The following TNRC18 variants were observed in gnomAD, a reference collection of about 807,000 sequenced individuals.
The protein encoded by TNRC18 is trinucleotide repeat containing 18.
TNRC18 carries 69 observed loss-of-function variants against 226.7 expected under a neutral mutation model. The ratio of observed to expected loss-of-function variants is 0.30; its 90% confidence interval spans 0.25 to 0.37. The LOEUF is 0.37. Ranked by LOEUF, TNRC18 falls within the 10% of genes least tolerant of loss-of-function variation. The pLI, the probability that TNRC18 is intolerant of heterozygous loss-of-function variation, is 1.00. For missense variants in TNRC18, 4,754 were observed against 4,256.6 expected (o/e 1.12, Z -3.25); for synonymous variants, 2,449 against 1,927.6 (o/e 1.27, Z -7.09).
intron 26 of TNRC18, 29 bp downstream of exon 26, chr7:5,314,955 G>A (rs779472698): frequency 1.6e-5 from 25 of 1,589,226 alleles, no homozygotes; most frequent in Admixed American, 8.7e-5. Flanking sequence ...TCCGCCCACC[G>A]CCCTGCCCTG....
At chr7:5,332,386 T>C (rs1268133182) in intron 19 of TNRC18, among the ~76,000 whole-genome samples, 1 of 152,286 alleles carries the variant, frequency 6.6e-6, no homozygotes, top group African/African-American at 2.4e-5. Flanking sequence ...TGAGCCATGA[T>C]CAGGCCACTG....
intron 3 of TNRC18, among the ~76,000 whole-genome samples, chr7:5,393,333 G>C (rs750331401): frequency 2.0e-5 from 3 of 152,254 alleles, no homozygotes; most frequent in Non-Finnish European, 4.4e-5. Context: ...CTTCCCCAGA[G>C]TGTCCAGGAA....
chr7:5,347,452 T>C (rs1454692538), intron 17 of TNRC18, among the ~76,000 whole-genome samples: 1 of 149,790 alleles, frequency 6.7e-6, no homozygotes, highest in African/African-American at 2.5e-5. Flanking sequence ...CGCCTCAGCC[T>C]CCCAAAGTGC....
Position 5,313,174 on chromosome 7 carries a change from T to C in TNRC18, c.7717A>G (p.Ser2573Gly). The C allele has an allele frequency of 1.9e-6, 3 of 1,542,772 alleles. No individual in the cohort carries two copies. Among genetic ancestry groups the C allele is most frequent in the Non-Finnish European group, 1.7e-6 (2 of 1,144,048 alleles). ...SSSGSSSSSSSSSSSGSETEG... is the reference protein window; with the variant it reads ...SSSGSSSSSSGSSSSGSETEG... The stretch of plus-strand genomic sequence containing the variant: ...GTCTCCGAGCCGCTGCTGCTGCTGC[T>C]GCTGCTGCTGCTACTGCTGCCACTA... The change falls in exon 27 of 30, where the codon AGC becomes GGC. Residue 2573 changes from serine to glycine, a missense_variant. Transcript: ENST00000430969.
chr7:5,309,386 T>TC lies in TNRC18; in HGVS notation c.8389-19dup, dbSNP rs906203098. 2 of 1,592,614 alleles carry TC rather than the reference T, an allele frequency of 1.3e-6. No individual in the cohort carries two copies. Among genetic ancestry groups the TC allele is most frequent in the Non-Finnish European group, 1.7e-6 (2 of 1,169,552 alleles). On this transcript the variant is annotated intron_variant, in intron 27 of 29. Transcript: ENST00000430969. This position sits in a 1 kb window ranked among gnomAD's most constrained non-coding sequence, Gnocchi z 5.7. ...CCACGCCGCTGCAAGGACACGTGTG[T>TC]CACGGCACAGGCCCTGGCCCAGCCC...
chr7:5,333,135 G>A (rs1305718148), intron 18 of TNRC18, 86 bp from the exon 19 acceptor site: 3 of 1,443,948 alleles, frequency 2.1e-6, no homozygotes, highest in East Asian at 2.5e-5. Context: ...ATTCCTCCCC[G>A]GCGGGACCTC....
rs981348821 is a variant in TNRC18, at chr7:5,320,398, C to T, written c.6665G>A (p.Arg2222His). 3.2e-6 allele frequency: 5 copies of T among 1,562,090 alleles called. No homozygotes were observed. In the Admixed American group the frequency reaches 5.8e-5, roughly 18 times the overall value. ...AATCCTGGTCCCTTGTGGCAAGAAG[C>T]GAGTGGAGGCTGGCCTCACATCGAT... Reference protein sequence around the residue: ...AIIDVRPASTRFLPQGTRIAA... With the variant: ...AIIDVRPASTHFLPQGTRIAA... The change falls in exon 24 of 30, where the codon CGC becomes CAC. Residue 2222 changes from arginine (R) to histidine (H), a missense_variant. By Grantham distance (29) the Arg-to-His change is conservative. Coordinates refer to ENST00000430969, the MANE Select transcript of TNRC18 (RefSeq NM_001080495.3).
chr7:5,363,003 C>A (rs879286552), intron 11 of TNRC18, among the ~76,000 whole-genome samples, 178 bp from the exon 12 acceptor site: 3 of 152,210 alleles, frequency 2.0e-5, no homozygotes, highest in Admixed American at 6.5e-5. Context: ...TAAACAAGAA[C>A]GGGGAGAAGG....
chr7:5,360,767 T>G (rs951392071), intron 14 of TNRC18, among the ~76,000 whole-genome samples: 1 of 152,096 alleles, frequency 6.6e-6, no homozygotes, highest in Non-Finnish European at 1.5e-5. Flanking sequence ...CCATCCTCTC[T>G]TCGGTCAGAA....
Position 5,359,578 on chromosome 7 carries a change from C to A in TNRC18, c.4662-9G>T. ...GAGACTTGCTGCTCAGCCTGAAACG[C>A]AGACACACTGCCGGTCAGCACCCTG... On this transcript the variant is annotated splice_polypyrimidine_tract_variant and intron_variant, in intron 14 of 29. Coordinates refer to ENST00000430969, the MANE Select transcript of TNRC18 (RefSeq NM_001080495.3). 6.2e-7 allele frequency: 1 copy of A among 1,613,562 alleles called. No homozygotes were observed. Among genetic ancestry groups the A allele is most frequent in the Non-Finnish European group, 8.5e-7 (1 of 1,179,888 alleles).
intron 17 of TNRC18, among the ~76,000 whole-genome samples, chr7:5,346,800 G>C (rs117973708): frequency 6.6e-6 from 1 of 152,234 alleles, no homozygotes. Context: ...CAAGGCCGGG[G>C]TCCAGAGAGA....
rs546292252 is a variant in TNRC18 at position 5,387,611 on chromosome 7, T to C, written c.2152+61A>G. The C allele has an allele frequency of 1.8e-4, 292 of 1,589,912 alleles. 5 individuals carry two copies. In the South Asian group the frequency reaches 2.9e-3, roughly 16 times the overall value. On this transcript the variant is annotated intron_variant, in intron 5 of 29. Coordinates refer to ENST00000430969, the MANE Select transcript of TNRC18 (RefSeq NM_001080495.3). ...AAGGGAAAGGGCCCACACTGTAATGTACGGGAAACGGCAGAGAGACCCAAG... is the reference window on the plus strand; with the variant it reads ...AAGGGAAAGGGCCCACACTGTAATGCACGGGAAACGGCAGAGAGACCCAAG...
chr7:5,372,141 C>T (rs1253789710), intron 10 of TNRC18, among the ~76,000 whole-genome samples: 2 of 151,746 alleles, frequency 1.3e-5, no homozygotes, highest in Non-Finnish European at 2.9e-5. Flanking sequence ...GATCGCGGCT[C>T]ACTACAAGCT....
At position 5,308,957 on chromosome 7, in the gene TNRC18, G is replaced by C. The variant is rs759581761; in HGVS notation, c.8626-8C>G. 3 of 1,598,882 alleles carry C rather than the reference G, an allele frequency of 1.9e-6. No homozygotes were observed. The East Asian group carries it at 6.8e-5, about 36-fold the overall frequency. Reference sequence around the variant, plus strand: ...GGACTTCTGGTCCCAGTGCTGTGTGGGGGAGAGAGGAGGGGCTTGGGTGAG... The same window carrying C: ...GGACTTCTGGTCCCAGTGCTGTGTGCGGGAGAGAGGAGGGGCTTGGGTGAG... On this transcript the variant is annotated splice_polypyrimidine_tract_variant and splice_region_variant and intron_variant, in intron 28 of 29. Coordinates refer to ENST00000430969, the MANE Select transcript of TNRC18 (RefSeq NM_001080495.3).
At chr7:5,407,474 C>T (rs1781552329) in intron 2 of TNRC18, 1 of 152,266 alleles carries the variant, frequency 6.6e-6, no homozygotes, top group African/African-American at 2.4e-5. Flanking sequence ...ACTTCCCCAC[C>T]AGGTGAGCAG....
rs1011579502 is a variant in TNRC18, at chr7:5,313,008, G to A, written c.7883C>T (p.Ser2628Phe). Residue 2628 changes from serine (S) to phenylalanine (F), a missense_variant, in exon 27 of 30, where the codon TCC becomes TTC. By Grantham distance (155) the Ser-to-Phe change is radical. Coordinates refer to ENST00000430969, the MANE Select transcript of TNRC18 (RefSeq NM_001080495.3). ...GGAGGAGGAGGAAGAGGAGGATGAG[G>A]AGGAGGAGGAGGAGGAGGAGGAGGA... Reference protein sequence around the residue: ...SSSSSSSSSSSSSSSSSSSSS... With the variant: ...SSSSSSSSSSFSSSSSSSSSS... 2 of 794,080 alleles carry A rather than the reference G, an allele frequency of 2.5e-6. No individual in the cohort carries two copies. Among genetic ancestry groups the A allele is most frequent in the African/African-American group, 1.8e-5 (1 of 54,790 alleles). 49.2% of individuals were successfully genotyped at this position (794,080 alleles called of 1,614,324 possible).
chr7:5,352,489 G>C (rs746738467), intron 16 of TNRC18, among the ~76,000 whole-genome samples: 1 of 152,226 alleles, frequency 6.6e-6, no homozygotes, highest in African/African-American at 2.4e-5. Context: ...CAACCGCAGA[G>C]GACCTGACTC....
At chr7:5,392,919 G>A (rs1220167355) in intron 3 of TNRC18, among the ~76,000 whole-genome samples, 2 of 152,110 alleles carry the variant, frequency 1.3e-5, no homozygotes, top group African/African-American at 4.8e-5. Flanking sequence ...GGCTGAGGTG[G>A]GAGAATGGCT....
At chr7:5,407,593 G>C (rs570712605) in intron 2 of TNRC18, among the ~76,000 whole-genome samples, 30 of 152,306 alleles carry the variant, frequency 2.0e-4, no homozygotes, top group Admixed American at 3.9e-4. Context: ...CTCAAATATG[G>C]GCAGGGACTT....
Sources: allele counts gnomAD v4.1 joint callset (sites outside exome capture counted in the v4.1 genomes callset), GRCh38; gene constraint gnomAD v4.1.1; non-coding constraint Gnocchi (gnomAD v3.1); transcripts MANE v1.5; gene names NCBI Gene and HGNC (gene_info 2026-07-23, HGNC 2026-07-21).